DPYSL4: variants seen among roughly 807,000 people sequenced by gnomAD.
DPYSL4 encodes the protein dihydropyrimidinase-related protein 4.
In DPYSL4, 43 loss-of-function variants were observed where a neutral mutation model predicts 63.4. The ratio of observed to expected loss-of-function variants is 0.68; its 90% CI spans 0.53 to 0.88. The LOEUF is 0.88. Ranked by LOEUF, DPYSL4 falls within the 40% of genes least tolerant of loss-of-function variation. The pLI, the probability that DPYSL4 is intolerant of heterozygous loss-of-function variation, is 0.00. For synonymous variants in DPYSL4, 353 were observed against 331.7 expected (o/e 1.06, Z -0.70); for missense variants, 733 against 819.5 (o/e 0.89, Z 1.29).
intron 12 of DPYSL4, chr10:132,203,492 AG>A (rs1448417648): frequency 2.0e-6 from 1 of 502,624 alleles, no homozygotes; most frequent in East Asian, 3.0e-5. Context: ...GGTAAGACTG[AG>A]GGGAGGGACG....
intron 4 of DPYSL4, among the ~76,000 whole-genome samples, chr10:132,195,764 T>C (rs1335694094): frequency 6.6e-6 from 1 of 152,238 alleles, no homozygotes; most frequent in Non-Finnish European, 1.5e-5. Context: ...AGCCCGTCAA[T>C]CCTCAGTCCC....
At chr10:132,193,385 C>T (rs969410207) in intron 3 of DPYSL4, among the ~76,000 whole-genome samples, 6 of 152,266 alleles carry the variant, frequency 3.9e-5, no homozygotes, top group African/African-American at 1.4e-4. Flanking sequence ...CGGGCTCTAT[C>T]CTGACACCCA....
intron 3 of DPYSL4, among the ~76,000 whole-genome samples, chr10:132,193,633 T>G (rs555966439): frequency 4.6e-5 from 7 of 152,382 alleles, no homozygotes; most frequent in Non-Finnish European, 8.8e-5. Context: ...AGAACGGGTC[T>G]GAGGAGCCTA....
chr10:132,194,512 G>A (rs2061916051), intron 3 of DPYSL4, among the ~76,000 whole-genome samples: 1 of 152,254 alleles, frequency 6.6e-6, no homozygotes, highest in Admixed American at 6.5e-5. Flanking sequence ...CCTGACAGGA[G>A]CTGGAGGCAG....
At chr10:132,202,903 C>A in intron 12 of DPYSL4, 78 bp downstream of exon 12, 1 of 1,492,052 alleles carries the variant, frequency 6.7e-7, no homozygotes, top group South Asian at 1.3e-5. Context: ...CACCCCTGGT[C>A]AACCTGGCCC....
chr10:132,188,116 G>T (rs965391118), intron 1 of DPYSL4, among the ~76,000 whole-genome samples: 1 of 152,180 alleles, frequency 6.6e-6, no homozygotes, highest in Non-Finnish European at 1.5e-5. Context: ...TGATGCAGGA[G>T]GTCTTGCCAG....
At chr10:132,187,127 G>GCGCCCCCTGCCCGC (rs1166951451) in intron 1 of DPYSL4, 25 bp downstream of exon 1, 14 of 1,511,618 alleles carry the variant, frequency 9.3e-6, no homozygotes, top group Middle Eastern at 1.7e-4. Context: ...GCTTCGCCCG[G>GCGCCCCCTGCCCGC]CGCCCCCTGC....
At chr10:132,198,654 C>A (rs1290383195) in intron 7 of DPYSL4, among the ~76,000 whole-genome samples, 171 bp downstream of exon 7, 2 of 152,216 alleles carry the variant, frequency 1.3e-5, no homozygotes, top group Non-Finnish European at 2.9e-5. Context: ...TCCATCCCCC[C>A]ACAACCCTAC....
chr10:132,197,176 AGGGGTCT>A, intron 6 of DPYSL4, 75 bp downstream of exon 6: 1 of 1,280,658 alleles, frequency 7.8e-7, no homozygotes, highest in African/African-American at 1.5e-5. Flanking sequence ...GGGGTGGGGC[AGGGGTCT>A]GAGGGTGACT....
In DPYSL4 at chr10:132,187,089, TC is replaced by T. The variant is rs1165198892; in HGVS notation, c.31del (p.Arg11GlyfsTer8). Reference sequence around the variant, plus strand: ...ATGTCCTTCCAGGGCAAGAAAAGCATCCCCCGGATCACGGTGAGCCCGGTCC... The same window carrying T: ...ATGTCCTTCCAGGGCAAGAAAAGCATCCCCGGATCACGGTGAGCCCGGTCC... Reference protein sequence around the residue: MSFQGKKSIPRITSDRLLI... With the variant: MSFQGKKSXPRITSDRLLI... On this transcript the variant is annotated frameshift_variant, in exon 1 of 14. Coordinates refer to ENST00000338492, the MANE Select transcript of DPYSL4 (RefSeq NM_006426.3). LOFTEE classifies it high-confidence loss of function. The T allele has an allele frequency of 5.2e-6, 7 of 1,355,902 alleles. No homozygotes were observed. Among genetic ancestry groups the T allele is most frequent in the Admixed American group, 2.1e-5 (1 of 46,518 alleles). The allele number at this position is 1,355,902 out of a possible 1,614,324, so 84.0% of individuals were successfully genotyped here.
chr10:132,190,906 A>G, intron 2 of DPYSL4, 71 bp downstream of exon 2: 1 of 1,494,272 alleles, frequency 6.7e-7, no homozygotes, highest in Non-Finnish European at 9.2e-7. Flanking sequence ...GTATCCAGGC[A>G]GTTGAAAGTA....
intron 3 of DPYSL4, among the ~76,000 whole-genome samples, chr10:132,193,389 ACACC>A (rs1270764746): frequency 6.6e-6 from 1 of 152,176 alleles, no homozygotes; most frequent in African/African-American, 2.4e-5. Context: ...CTCTATCCTG[ACACC>A]CATCGGCTCA....
intron 8 of DPYSL4, 142 bp from the exon 9 acceptor site, chr10:132,200,208 TGCCCAG>T: frequency 1.9e-6 from 2 of 1,035,680 alleles, no homozygotes; most frequent in Non-Finnish European, 2.8e-6. Context: ...CCCCACTTCC[TGCCCAG>T]GGCCAGGGAC....
At chr10:132,204,176 G>A (rs2137527460) in intron 13 of DPYSL4, among the ~76,000 whole-genome samples, 1 of 152,364 alleles carries the variant, frequency 6.6e-6, no homozygotes, top group Middle Eastern at 3.4e-3. Context: ...AGTGGCACTG[G>A]GGTGAGGCTG....
rs201485255 is a variant in DPYSL4, at chr10:132,192,858, T to G, written c.313+16T>G. ...ACCATGATCTGTGAGTGTCTGGGTC[T>G]CCTCCTCTACAGGGGGCAGCCAGCG... is the stretch of plus-strand genomic sequence containing the variant. On this transcript the variant is annotated intron_variant, in intron 3 of 13. Transcript: ENST00000338492. 1,428 of 1,594,422 alleles carry G rather than the reference T, an allele frequency of 9.0e-4. 1 individual carries two copies. Among genetic ancestry groups the G allele is most frequent in the Non-Finnish European group, 1.1e-3 (1,277 of 1,169,474 alleles).
intron 1 of DPYSL4, among the ~76,000 whole-genome samples, chr10:132,188,281 C>T (rs1014143821): frequency 2.0e-5 from 3 of 152,194 alleles, no homozygotes; most frequent in African/African-American, 7.2e-5. Context: ...CCCCACACCC[C>T]AGCTGCGTCT....
chr10:132,194,507 C>CT (rs1485536473), intron 3 of DPYSL4, among the ~76,000 whole-genome samples: 2 of 152,238 alleles, frequency 1.3e-5, no homozygotes, highest in Non-Finnish European at 2.9e-5. Flanking sequence ...CCCAGCCTGA[C>CT]AGGAGCTGGA....
rs114629624 is a variant in DPYSL4 at position 132,197,107 on chromosome 10, G to A, written c.621+6G>A. On this transcript the variant is annotated splice_donor_region_variant and intron_variant, in intron 6 of 13. Coordinates refer to ENST00000338492, the MANE Select transcript of DPYSL4 (RefSeq NM_006426.3). ...ACGGGGACATCGTGGAGGAGGTGCC[G>A]TGGGGCAGGGCTGCCGTGGGGCAGG... is the stretch of plus-strand genomic sequence containing the variant. 9.8e-4 allele frequency: 1,467 copies of A among 1,498,234 alleles called. 8 individuals carry two copies. The African/African-American group carries it at 0.017, about 17-fold the overall frequency. 92.8% of individuals were successfully genotyped at this position (1,498,234 alleles called of 1,614,324 possible). A position where few individuals can be genotyped will look rare whatever the true frequency, so the allele number is the denominator to read the frequency against.
chr10:132,190,262 C>T (rs1281298835), intron 1 of DPYSL4, among the ~76,000 whole-genome samples: 1 of 152,234 alleles, frequency 6.6e-6, no homozygotes, highest in Non-Finnish European at 1.5e-5. Context: ...TCTGCCTCCG[C>T]CTCCTGGCAC....
Sources: gnomAD v4.1 joint callset for allele counts (sites outside exome capture counted in the v4.1 genomes callset) on GRCh38, gnomAD v4.1.1 for gene constraint, MANE v1.5 for transcripts, NCBI Gene and HGNC (gene_info 2026-07-23, HGNC 2026-07-21) for gene names.